Variants in TNRC18 observed in about 807,000 individuals in gnomAD.
The protein encoded by TNRC18 is trinucleotide repeat-containing gene 18 protein.
In TNRC18, 69 loss-of-function variants were observed where a neutral mutation model predicts 226.7. The observed-to-expected ratio is 0.30, with a 90% CI of 0.25 to 0.37. The LOEUF is 0.37. TNRC18 is among the 10% of genes least tolerant of loss of function. The pLI is 1.00. For synonymous variants in TNRC18, 2,449 were observed against 1,927.6 expected, an observed-to-expected ratio of 1.27 and a Z score of -7.09; for missense variants, 4,754 against 4,256.6, an observed-to-expected ratio of 1.12 and a Z score of -3.25.
At chr7:5,401,096 T>C (rs1174109912) in intron 2 of TNRC18, among the ~76,000 whole-genome samples, 3 of 151,904 alleles carry the variant, frequency 2.0e-5, no homozygotes, top group Non-Finnish European at 2.9e-5. Flanking sequence ...GTAATCCCAA[T>C]GCTTTGGGAG....
chr7:5,345,517 G>GGGGGGGGGGGCCCCCCACCC, intron 18 of TNRC18, 45 bp downstream of exon 18: 1 of 377,744 alleles, frequency 2.6e-6, no homozygotes, highest in East Asian at 4.6e-5. Flanking sequence ...AATGGCGTCC[G>GGGGGGGGGGGCCCCCCACCC]CCCCTCCCAC....
chr7:5,342,580 G>A (rs1052270117), intron 18 of TNRC18, among the ~76,000 whole-genome samples: 5 of 152,190 alleles, frequency 3.3e-5, no homozygotes, highest in Admixed American at 2.6e-4. Flanking sequence ...GGACTGAATT[G>A]TTGCAATGTC....
At position 5,321,440 on chromosome 7, in the gene TNRC18, A is replaced by G. The variant is rs190095879; in HGVS notation, c.6443-250T>C. ...CTAGCCCCCTCCCCTGCCTGGCCCC[A>G]GATGTCTGCAAAGACCCCAGGTGGG... On this transcript the variant is annotated intron_variant, in intron 21 of 29. Coordinates refer to ENST00000430969, the MANE Select transcript of TNRC18 (RefSeq NM_001080495.3). 3.4e-3 allele frequency among the ~76,000 whole-genome samples: 523 copies of G among 152,130 alleles called. 3 individuals are homozygous for G. Among genetic ancestry groups the G allele is most frequent in the African/African-American group, 0.012 (509 of 41,504 alleles).
In TNRC18 at chr7:5,377,554, G is replaced by A. The variant is rs562901562; in HGVS notation, c.2278C>T (p.Leu760=). Residue 760 remains leucine, a synonymous_variant, in exon 7 of 30, where the codon CTG becomes TTG. Coordinates refer to ENST00000430969, the MANE Select transcript of TNRC18 (RefSeq NM_001080495.3). This position sits in a 1 kb window ranked among gnomAD's most constrained non-coding sequence, Gnocchi z 5.8. Reference sequence around the variant, plus strand: ...CAGCTGGTAGGGTGCAGGCGGGCCAGGTCAGCCAGCTCCTTACTCTCTCTG... The same window carrying A: ...CAGCTGGTAGGGTGCAGGCGGGCCAAGTCAGCCAGCTCCTTACTCTCTCTG... ...LLRESKELAD[L]ARLHPTSCAP... 1 of 1,585,934 alleles carries A rather than the reference G, an allele frequency of 6.3e-7. No individual in the cohort carries two copies. The highest frequency in any genetic ancestry group is 1.8e-5 in the Admixed American group (1 of 55,300).
In TNRC18 at chr7:5,357,257, T is replaced by A. The variant is rs754904882; in HGVS notation, c.4853A>T (p.Lys1618Met). The A allele has an allele frequency of 2.7e-5, 44 of 1,609,678 alleles. No homozygotes were observed. Among genetic ancestry groups the A allele is most frequent in the Non-Finnish European group, 3.2e-5 (38 of 1,177,996 alleles). The change falls in exon 16 of 30, where the codon AAG becomes ATG. Residue 1618 changes from lysine (K) to methionine (M), a missense_variant. By Grantham distance (95) the Lys-to-Met change is moderately conservative (BLOSUM62 -1). Transcript: ENST00000430969. Reference sequence around the variant, plus strand: ...CAACTGCTCCTGGTCGCTGGCCATCTTCTTCTTCTTAATCTTTAGCTGGAG... The same window carrying A: ...CAACTGCTCCTGGTCGCTGGCCATCATCTTCTTCTTAATCTTTAGCTGGAG... ...FISQLKIKKK[K>M]MASDQEQLAS...
intron 2 of TNRC18, chr7:5,420,340 G>C (rs1479907809): frequency 2.2e-6 from 1 of 455,756 alleles, no homozygotes; most frequent in South Asian, 1.5e-5. Context: ...CCCTAGGTTC[G>C]GGACCGCGAT....
chr7:5,345,798 T>G lies in TNRC18; in HGVS notation c.5483A>C (p.Glu1828Ala). 1.3e-6 allele frequency: 2 copies of G among 1,543,712 alleles called. No individual in the cohort carries two copies. Among genetic ancestry groups the G allele is most frequent in the Non-Finnish European group, 1.7e-6 (2 of 1,146,588 alleles). Reference protein sequence around the residue: ...EESFDQDESSEEEDEEEELEE... With the variant: ...EESFDQDESSAEEDEEEELEE... The stretch of plus-strand genomic sequence containing the variant: ...GAGCTCCTCCTCCTCGTCCTCCTCC[T>G]CCGAGCTCTCATCTGGCGTGCAGAA... Residue 1828 changes from glutamate (E) to alanine (A), a missense_variant, in exon 18 of 30, where the codon GAG becomes GCG. Glu to Ala is a moderately radical substitution (Grantham distance 107). Coordinates refer to ENST00000430969, the MANE Select transcript of TNRC18 (RefSeq NM_001080495.3).
At chr7:5,351,743 C>A in intron 17 of TNRC18, 76 bp downstream of exon 17, 1 of 1,454,798 alleles carries the variant, frequency 6.9e-7, no homozygotes, top group Non-Finnish European at 9.1e-7. Flanking sequence ...TGCGCCCACT[C>A]GCTTCCCTCT....
chr7:5,332,424 T>C (rs139136555), intron 19 of TNRC18, among the ~76,000 whole-genome samples, 198 bp downstream of exon 19: 44 of 152,056 alleles, frequency 2.9e-4, no homozygotes, highest in Non-Finnish European at 5.3e-4. Flanking sequence ...AGAGCAAGAG[T>C]TGACTCTTAA....
chr7:5,362,737 G>C lies in TNRC18; in HGVS notation c.4308C>G (p.Pro1436=), dbSNP rs370362251. 6.4e-7 allele frequency: 1 copy of C among 1,573,362 alleles called. No individual in the cohort carries two copies. Among genetic ancestry groups the C allele is most frequent in the East Asian group, 2.4e-5 (1 of 42,440 alleles). Residue 1436 remains proline, a synonymous_variant, in exon 12 of 30, where the codon CCC becomes CCG. Transcript: ENST00000430969. Reference sequence around the variant, plus strand: ...GCAGGTTCTTGAGTGGGTCCACCACGGGCCCATCCAGCACCTCCCTCAGCA... The same window carrying C: ...GCAGGTTCTTGAGTGGGTCCACCACCGGCCCATCCAGCACCTCCCTCAGCA... ...SHMLREVLDG[P]VVDPLKNLRL... is the part of the protein sequence containing the mutation.
At chr7:5,344,918 G>A (rs764537078) in intron 18 of TNRC18, among the ~76,000 whole-genome samples, 27 of 152,108 alleles carry the variant, frequency 1.8e-4, no homozygotes, top group Non-Finnish European at 3.4e-4. Context: ...CATGGACCGG[G>A]GTAAGCGCCA....
intron 24 of TNRC18, among the ~76,000 whole-genome samples, chr7:5,318,416 A>C (rs1788056367): frequency 6.6e-6 from 1 of 152,176 alleles, no homozygotes; most frequent in African/African-American, 2.4e-5. Context: ...AAGTTGAACA[A>C]AATAAGCAAA....
chr7:5,410,842 CAG>C (rs1311846226), intron 2 of TNRC18, among the ~76,000 whole-genome samples: 2 of 108,580 alleles, frequency 1.8e-5, no homozygotes, highest in African/African-American at 7.4e-5. Flanking sequence ...GTCTGGACAA[CAG>C]AGTGAGACTC....
At position 5,330,863 on chromosome 7, in the gene TNRC18, C is replaced by T. The variant is rs139366309; in HGVS notation, c.6147+1759G>A. Among the ~76,000 whole-genome samples, 1,331 of 152,166 alleles carry T rather than the reference C, an allele frequency of 8.7e-3. 18 individuals are homozygous for T. The highest frequency in any genetic ancestry group is 0.031 in the African/African-American group (1,270 of 41,508). On this transcript the variant is annotated intron_variant, in intron 19 of 29. Transcript: ENST00000430969. ...TAATTTTTGTATTTTTTAGTAGAGA[C>T]AGGATTTCGTCATGTTGGCCAGGCT...
At chr7:5,420,625 A>T (rs1480271556) in intron 2 of TNRC18, 1 of 459,690 alleles carries the variant, frequency 2.2e-6, no homozygotes, top group Admixed American at 2.3e-5. Flanking sequence ...AGCTGGGAAC[A>T]GAACCCAGGA....
At position 5,357,006 on chromosome 7, in the gene TNRC18, T is replaced by G. The variant is rs1792493375; in HGVS notation, c.5104A>C (p.Thr1702Pro). Reference protein sequence around the residue: ...REGKHKRAAKTRKMEVGFKAR... With the variant: ...REGKHKRAAKPRKMEVGFKAR... ...TTGAACCCCACCTCCATCTTCCTGG[T>G]TTTGGCTGCCCTTTTGTGTTTACCT... Residue 1702 changes from threonine (T) to proline (P), a missense_variant, in exon 16 of 30, where the codon ACC becomes CCC. By Grantham distance (38) the Thr-to-Pro change is conservative. Coordinates refer to ENST00000430969, the MANE Select transcript of TNRC18 (RefSeq NM_001080495.3). 1.3e-6 allele frequency: 2 copies of G among 1,552,294 alleles called. No individual in the cohort carries two copies. The highest frequency in any genetic ancestry group is 1.7e-6 in the Non-Finnish European group (2 of 1,147,114).
At chr7:5,422,750 G>T (rs1275552600) in intron 1 of TNRC18, 1 of 152,154 alleles carries the variant, frequency 6.6e-6, no homozygotes, top group Non-Finnish European at 1.5e-5. Context: ...ATTTTAACCC[G>T]GTTTTGGTTA....
chr7:5,391,539 G>A (rs951149050), intron 3 of TNRC18, among the ~76,000 whole-genome samples: 3 of 151,906 alleles, frequency 2.0e-5, no homozygotes, highest in African/African-American at 4.8e-5. Context: ...TCGAACTCCC[G>A]GCTTCAAGTG....
chr7:5,334,635 C>G (rs1789902461), intron 18 of TNRC18, among the ~76,000 whole-genome samples: 1 of 152,126 alleles, frequency 6.6e-6, no homozygotes, highest in African/African-American at 2.4e-5. Context: ...AAGGAGGCAG[C>G]AAGGGGCTTT....
Sources: allele counts gnomAD v4.1 joint callset (sites outside exome capture counted in the v4.1 genomes callset), GRCh38; gene constraint gnomAD v4.1.1; non-coding constraint Gnocchi (gnomAD v3.1); transcripts MANE v1.5; gene names NCBI Gene and HGNC (gene_info 2026-07-23, HGNC 2026-07-21).